DAAM1: variants seen among roughly 807,000 people sequenced by gnomAD.
DAAM1 encodes the protein dishevelled associated activator of morphogenesis 1.
DAAM1 carries 52 observed loss-of-function variants against 130.0 expected under a neutral mutation model. That is an observed-to-expected ratio of 0.40 (90% CI 0.32 to 0.50). The LOEUF (loss-of-function observed/expected upper bound fraction) is 0.50. Ranked by LOEUF, DAAM1 falls within the 20% of genes least tolerant of loss-of-function variation. The pLI is 0.61. For synonymous variants in DAAM1, 452 were observed against 444.5 expected, an observed-to-expected ratio of 1.02 and a Z score of -0.21; for missense variants, 1,134 against 1,303.8, an observed-to-expected ratio of 0.87 and a Z score of 2.01.
At chr14:59,331,068 C>G in intron 13 of DAAM1, 141 bp from the exon 14 acceptor site, 1 of 1,404,178 alleles carries the variant, frequency 7.1e-7, no homozygotes, top group Non-Finnish European at 9.4e-7. Context: ...AGAGTCCATT[C>G]GACTTTACCG....
At chr14:59,283,335 A>G (rs902722145) in intron 2 of DAAM1, among the ~76,000 whole-genome samples, 6 of 152,240 alleles carry the variant, frequency 3.9e-5, no homozygotes, top group African/African-American at 1.4e-4. Flanking sequence ...AGGAAATTAA[A>G]AAGGAAGAAA....
intron 1 of DAAM1, among the ~76,000 whole-genome samples, chr14:59,248,956 T>A (rs552384787): frequency 6.6e-6 from 1 of 152,072 alleles, no homozygotes; most frequent in Non-Finnish European, 1.5e-5. Context: ...CCCGGCTAAT[T>A]TTTTGTATTT....
chr14:59,359,808 C>A (rs1886635252), intron 21 of DAAM1, among the ~76,000 whole-genome samples: 1 of 152,178 alleles, frequency 6.6e-6, no homozygotes, highest in Non-Finnish European at 1.5e-5. Flanking sequence ...AAATAGAAGA[C>A]CTAAGTGTCA....
intron 1 of DAAM1, among the ~76,000 whole-genome samples, chr14:59,228,924 G>T (rs1173956925): frequency 1.1e-4 from 16 of 152,098 alleles, no homozygotes; most frequent in Non-Finnish European, 1.2e-4. Context: ...TCTTTTCCCT[G>T]AGTTCTAAAA....
intron 3 of DAAM1, among the ~76,000 whole-genome samples, chr14:59,304,815 T>G (rs1207828717): frequency 2.0e-5 from 3 of 152,214 alleles, no homozygotes; most frequent in African/African-American, 7.2e-5. Context: ...ATTAGCACTT[T>G]TTTCTCATTC....
At chr14:59,310,565 A>T (rs554387298) in intron 3 of DAAM1, among the ~76,000 whole-genome samples, 31 of 152,360 alleles carry the variant, frequency 2.0e-4, no homozygotes, top group African/African-American at 5.5e-4. Context: ...GCAGGTTTTT[A>T]TTAGCAATTA....
At chr14:59,226,000 ACT>A (rs947773553) in intron 1 of DAAM1, among the ~76,000 whole-genome samples, 6 of 151,958 alleles carry the variant, frequency 3.9e-5, no homozygotes, top group African/African-American at 1.5e-4. Context: ...ACTAAGAACA[ACT>A]CTAAGGAGTC....
intron 15 of DAAM1, chr14:59,338,453 C>T: frequency 1.2e-6 from 2 of 1,606,416 alleles, no homozygotes; most frequent in East Asian, 2.2e-5. Flanking sequence ...TAATATAACT[C>T]CTTGGCTCAC....
intron 1 of DAAM1, among the ~76,000 whole-genome samples, chr14:59,218,714 G>A (rs1468223205): frequency 6.6e-6 from 1 of 152,102 alleles, no homozygotes; most frequent in Non-Finnish European, 1.5e-5. Flanking sequence ...TTTGTCCTTT[G>A]GGGGAGCTAG....
chr14:59,240,197 C>T (rs1889433608), intron 1 of DAAM1, among the ~76,000 whole-genome samples: 1 of 152,164 alleles, frequency 6.6e-6, no homozygotes, highest in African/African-American at 2.4e-5. Context: ...GGTTTATGTC[C>T]TTGCTGACCG....
chr14:59,364,605 C>T (rs1446959828), intron 23 of DAAM1, among the ~76,000 whole-genome samples: 1 of 151,378 alleles, frequency 6.6e-6, no homozygotes, highest in Non-Finnish European at 1.5e-5. Flanking sequence ...TTTACTCTAC[C>T]CATCTCTCAG....
intron 1 of DAAM1, among the ~76,000 whole-genome samples, chr14:59,245,551 A>G (rs1366084299): frequency 6.6e-6 from 1 of 152,206 alleles, no homozygotes; most frequent in Non-Finnish European, 1.5e-5. Context: ...CCCAGCAAGT[A>G]GATGTTCTAA....
At chr14:59,247,893 G>A (rs1881463267) in intron 1 of DAAM1, among the ~76,000 whole-genome samples, 1 of 152,102 alleles carries the variant, frequency 6.6e-6, no homozygotes, top group South Asian at 2.1e-4. Flanking sequence ...CAACTTGGAT[G>A]GTTATTTAAT....
intron 1 of DAAM1, among the ~76,000 whole-genome samples, chr14:59,196,749 C>G (rs1887908273): frequency 6.6e-6 from 1 of 150,972 alleles, no homozygotes; most frequent in African/African-American, 2.4e-5. Context: ...TCTCAAAAAA[C>G]AAAACAAAAC....
At chr14:59,304,407 T>C (rs960293474) in intron 3 of DAAM1, among the ~76,000 whole-genome samples, 6 of 152,228 alleles carry the variant, frequency 3.9e-5, no homozygotes, top group African/African-American at 1.4e-4. Flanking sequence ...CCACTAATAA[T>C]TTGGGATTCT....
intron 3 of DAAM1, among the ~76,000 whole-genome samples, chr14:59,305,973 G>C (rs1276407137): frequency 6.6e-6 from 1 of 152,148 alleles, no homozygotes; most frequent in Non-Finnish European, 1.5e-5. Context: ...TTTTTTCCCA[G>C]GGGAGTTCAG....
At chr14:59,323,885 A>C (rs953417934) in intron 6 of DAAM1, among the ~76,000 whole-genome samples, 1 of 152,000 alleles carries the variant, frequency 6.6e-6, no homozygotes, top group Non-Finnish European at 1.5e-5. Context: ...ACAAAAAATT[A>C]GCTGGGTGTG....
chr14:59,293,528 G>A (rs1294846627), intron 3 of DAAM1, among the ~76,000 whole-genome samples: 1 of 152,162 alleles, frequency 6.6e-6, no homozygotes, highest in African/African-American at 2.4e-5. Flanking sequence ...TACCTGGCTG[G>A]ATTGCACAGA....
In DAAM1 at chr14:59,325,833, G is replaced by C. The variant is rs1474252549; in HGVS notation, c.1056+103G>C. ...ACATGGACTTTAGGGCAACCTAAAA[G>C]CAAACTCAAAGCTCTATTTTGTTTC... On this transcript the variant is annotated intron_variant, in intron 9 of 24. Transcript: ENST00000360909. 7 of 1,527,760 alleles carry C rather than the reference G, an allele frequency of 4.6e-6. No homozygotes were observed. In the African/African-American group the frequency reaches 6.9e-5, roughly 15 times the overall value. The allele number at this position is 1,527,760 out of a possible 1,614,324, so 94.6% of individuals were successfully genotyped here.
Sources: allele counts gnomAD v4.1 joint callset (sites outside exome capture counted in the v4.1 genomes callset), GRCh38; gene constraint gnomAD v4.1.1; transcripts MANE v1.5; gene names NCBI Gene and HGNC (gene_info 2026-07-23, HGNC 2026-07-21).